MLLT10: variants seen among roughly 807,000 people sequenced by gnomAD.
MLLT10 encodes the protein protein AF-10.
MLLT10 carries 30 observed loss-of-function variants against 129.1 expected under a neutral mutation model. The observed-to-expected ratio is 0.23, with a 90% confidence interval of 0.17 to 0.32. MLLT10 has a LOEUF of 0.32. Among genes scored for constraint, MLLT10 ranks in the 10% least tolerant of loss-of-function variants. The probability of loss-of-function intolerance (pLI) is 1.00; values close to 1 mark genes in which losing one functional copy is unlikely to be tolerated. For missense variants in MLLT10, 1,119 were observed against 1,268.3 expected (o/e 0.88, Z 1.79); for synonymous variants, 490 against 446.4 (o/e 1.10, Z -1.23).
chr10:21,552,701 G>A (rs2037285469), intron 3 of MLLT10, among the ~76,000 whole-genome samples: 1 of 152,044 alleles, frequency 6.6e-6, no homozygotes, highest in South Asian at 2.1e-4. Flanking sequence ...CTCTCTCATT[G>A]CTTTCTTAAA....
chr10:21,732,955 G>A lies in MLLT10; in HGVS notation c.2275G>A (p.Glu759Lys). ...TCAAGTTGAAAACCGAAGATTAGAGGAACAAATTAAAAACTTGACTGCCAA... is the reference window on the plus strand; with the variant it reads ...TCAAGTTGAAAACCGAAGATTAGAGAAACAAATTAAAAACTTGACTGCCAA... ...QLQVENRRLE[E>K]QIKNLTAKKE... The change falls in exon 18 of 23, where the codon GAA (glutamate) becomes AAA (lysine). Residue 759 changes from glutamate to lysine, a missense_variant. Physicochemically the swap from Glu to Lys is moderately conservative, Grantham distance 56 (BLOSUM62 1). Around this residue, in one of 5 missense-constraint regions of MLLT10, gnomAD observed 1,004 missense variants for 1,008.7 expected, o/e 1.00. Coordinates refer to ENST00000307729, the MANE Select transcript of MLLT10 (RefSeq NM_001195626.3). 1 of 1,613,956 alleles carries A rather than the reference G, an allele frequency of 6.2e-7. No homozygotes were observed. Among genetic ancestry groups the A allele is most frequent in the Non-Finnish European group, 8.5e-7 (1 of 1,179,956 alleles).
chr10:21,725,059 TAAAAA>T (rs2057385561), intron 14 of MLLT10, among the ~76,000 whole-genome samples: 1 of 152,068 alleles, frequency 6.6e-6, no homozygotes, highest in Non-Finnish European at 1.5e-5. Context: ...TCTTTTAAAA[TAAAAA>T]CAAAACAAAA....
intron 4 of MLLT10, among the ~76,000 whole-genome samples, chr10:21,587,445 AAAG>A (rs2042095610): frequency 6.6e-6 from 1 of 151,058 alleles, no homozygotes; most frequent in East Asian, 1.9e-4. Context: ...AAAAAAAAAA[AAAG>A]CTGACTTCTG....
intron 3 of MLLT10, among the ~76,000 whole-genome samples, chr10:21,543,493 T>C (rs1376384664): frequency 6.6e-6 from 1 of 152,052 alleles, no homozygotes; most frequent in East Asian, 1.9e-4. Context: ...TATGTTTTTT[T>C]GGAGACAGAG....
In MLLT10 at chr10:21,567,498, T is replaced by G. The variant is rs115272192; in HGVS notation, c.241-18796T>G. ...ATGCCTTATTACTGGCAGATGGTGGTGGAAGTCCAGTCTTCCCTACTTTTC... is the reference window on the plus strand; with the variant it reads ...ATGCCTTATTACTGGCAGATGGTGGGGGAAGTCCAGTCTTCCCTACTTTTC... On this transcript the variant is annotated intron_variant, in intron 3 of 22. Transcript: ENST00000307729. Among the ~76,000 whole-genome samples the G allele has an allele frequency of 2.7e-3, 413 of 152,264 alleles. 3 individuals carry two copies. Among genetic ancestry groups the G allele is most frequent in the African/African-American group, 9.4e-3 (390 of 41,558 alleles).
chr10:21,543,814 A>G (rs1287135198), intron 3 of MLLT10, among the ~76,000 whole-genome samples: 1 of 152,326 alleles, frequency 6.6e-6, no homozygotes, highest in East Asian at 1.9e-4. Context: ...GGTCCTTTGT[A>G]AGAAACAGAT....
At chr10:21,664,401 C>T (rs1398248833) in intron 9 of MLLT10, among the ~76,000 whole-genome samples, 2 of 151,012 alleles carry the variant, frequency 1.3e-5, no homozygotes, top group East Asian at 3.9e-4. Context: ...GCAGCCTCTG[C>T]CTCCCAGGTT....
chr10:21,684,283 G>A (rs1288243863), intron 13 of MLLT10, among the ~76,000 whole-genome samples: 1 of 152,060 alleles, frequency 6.6e-6, no homozygotes, highest in South Asian at 2.1e-4. Flanking sequence ...GTACTCACTT[G>A]GAAAATCTGC....
At chr10:21,627,268 C>A (rs2046551055) in intron 8 of MLLT10, among the ~76,000 whole-genome samples, 1 of 152,132 alleles carries the variant, frequency 6.6e-6, no homozygotes, top group African/African-American at 2.4e-5. Context: ...TTACAAATAA[C>A]AATGCCTCTT....
intron 13 of MLLT10, among the ~76,000 whole-genome samples, chr10:21,701,049 C>G (rs972210438): frequency 1.3e-5 from 2 of 152,100 alleles, no homozygotes; most frequent in South Asian, 4.1e-4. Context: ...CTTCCTGATT[C>G]AGTCTGGGTA....
chr10:21,592,618 G>A (rs187991668), intron 4 of MLLT10, among the ~76,000 whole-genome samples: 2 of 152,074 alleles, frequency 1.3e-5, no homozygotes, highest in African/African-American at 4.8e-5. Flanking sequence ...CACCTTGCCC[G>A]GCTAATTTTT....
rs2058164885 is a variant in MLLT10 at position 21,734,139 on chromosome 10, TTAAG to T, written c.2858+13_2858+16del. The T allele has an allele frequency of 1.3e-6, 2 of 1,580,456 alleles. No individual in the cohort carries two copies. Among genetic ancestry groups the T allele is most frequent in the Non-Finnish European group, 1.7e-6 (2 of 1,162,366 alleles). ...CTACACTGACTAACAGGTAAGAAAC[TTAAG>T]TATGTTTTGGGTTTTTTAGTATAAC... On this transcript the variant is annotated intron_variant, in intron 20 of 22. Transcript: ENST00000307729.
At chr10:21,684,271 AT>A (rs2053055273) in intron 13 of MLLT10, among the ~76,000 whole-genome samples, 2 of 152,094 alleles carry the variant, frequency 1.3e-5, no homozygotes, top group Non-Finnish European at 2.9e-5. Context: ...TGACTCTCTT[AT>A]GTACTCACTT....
chr10:21,589,321 A>C (rs2042282457), intron 4 of MLLT10, among the ~76,000 whole-genome samples: 1 of 150,112 alleles, frequency 6.7e-6, no homozygotes, highest in African/African-American at 2.4e-5. Flanking sequence ...TCACTATTCC[A>C]AAGTTTTTTT....
chr10:21,740,380 G>A, intron 22 of MLLT10, 144 bp downstream of exon 22: 2 of 842,432 alleles, frequency 2.4e-6, no homozygotes, highest in Non-Finnish European at 3.6e-6. Context: ...TATAGGCAAA[G>A]GATCTAAGCC....
At chr10:21,714,082 G>T (rs2131517038) in intron 14 of MLLT10, 132 bp downstream of exon 14, 1 of 704,966 alleles carries the variant, frequency 1.4e-6, no homozygotes, top group East Asian at 2.9e-5. Context: ...TTGTATTAAT[G>T]TATTAGTGAA....
intron 10 of MLLT10, among the ~76,000 whole-genome samples, chr10:21,672,700 A>C (rs2051593127): frequency 1.3e-5 from 2 of 152,212 alleles, no homozygotes; most frequent in South Asian, 4.1e-4. Flanking sequence ...AAGTTCCATG[A>C]AAATTGGATT....
intron 11 of MLLT10, among the ~76,000 whole-genome samples, chr10:21,678,067 C>T (rs1441300160): frequency 6.6e-6 from 1 of 152,114 alleles, no homozygotes; most frequent in Non-Finnish European, 1.5e-5. Flanking sequence ...TATAGCTAAG[C>T]TGTAAGACAT....
intron 9 of MLLT10, among the ~76,000 whole-genome samples, chr10:21,664,251 G>A (rs1461284512): frequency 6.7e-6 from 1 of 148,968 alleles, no homozygotes; most frequent in Non-Finnish European, 1.5e-5. Context: ...CTTTTTTGAT[G>A]CAGAACATGG....
Sources: gnomAD v4.1 joint callset for allele counts (sites outside exome capture counted in the v4.1 genomes callset) on GRCh38, gnomAD v4.1.1 for gene constraint, gnomAD v4.1.1 regional missense constraint, MANE v1.5 for transcripts, NCBI Gene and HGNC (gene_info 2026-07-23, HGNC 2026-07-21) for gene names.